NOX4: variants seen among roughly 807,000 people sequenced by gnomAD.
NOX4 encodes NADPH oxidase 4, also known as kidney oxidase-1.
A neutral mutation model predicts 87.6 loss-of-function variants in NOX4; 69 were observed. That is an observed-to-expected ratio of 0.79 (90% CI 0.65 to 0.96). The LOEUF (loss-of-function observed/expected upper bound fraction) is 0.96, where lower values mean the gene tolerates loss of function less well. NOX4 is among the 40% of genes least tolerant of loss of function. The pLI is 0.00. For missense variants in NOX4, 680 were observed against 681.5 expected (o/e 1.00, Z 0.02); for synonymous variants, 275 against 238.2 (o/e 1.15, Z -1.42).
chr11:89,426,655 G>A lies in NOX4; in HGVS notation c.549-4673C>T, dbSNP rs559751076. Among the ~76,000 whole-genome samples the A allele has an allele frequency of 2.6e-5, 4 of 152,282 alleles. No individual in the cohort carries two copies. In the South Asian group the frequency reaches 8.3e-4, roughly 32 times the overall value. ...ACAGCAGTCTGAGATCGAAATGCAA[G>A]GCAGCAGCAAGGCTTGGGGAGGGGC... On this transcript the variant is annotated intron_variant, in intron 7 of 17. Transcript: ENST00000263317.
At chr11:89,443,837 G>T (rs1944564011) in intron 5 of NOX4, 1 of 268,058 alleles carries the variant, frequency 3.7e-6, no homozygotes, top group East Asian at 7.4e-5. Context: ...ACTCTCAGCT[G>T]AATGATAGGA....
chr11:89,556,541 G>C, the NOX4 span, among the ~76,000 whole-genome samples: 1 of 148,908 alleles, frequency 6.7e-6, no homozygotes, highest in African/African-American at 2.5e-5. Flanking sequence ...GAGGGGAAGG[G>C]AGGGGAGGGG....
chr11:89,543,972 A>G, the NOX4 span, among the ~76,000 whole-genome samples: 2 of 151,994 alleles, frequency 1.3e-5, no homozygotes, highest in African/African-American at 4.8e-5. Flanking sequence ...GAAAAGGGGA[A>G]CCTGTTCCTT....
At chr11:89,372,500 C>G (rs1939519340) in intron 12 of NOX4, among the ~76,000 whole-genome samples, 1 of 151,932 alleles carries the variant, frequency 6.6e-6, no homozygotes, top group Non-Finnish European at 1.5e-5. Context: ...TTCATCCTTT[C>G]CAAAGAGAGT....
the NOX4 span, among the ~76,000 whole-genome samples, chr11:89,560,996 C>CTCTATA: frequency 4.7e-4 from 19 of 40,800 alleles, no homozygotes; most frequent in African/African-American, 6.6e-4. Flanking sequence ...CTCTCTCTCT[C>CTCTATA]TATATATATA....
intron 2 of NOX4, among the ~76,000 whole-genome samples, chr11:89,462,761 T>C (rs1945528306): frequency 6.6e-6 from 1 of 152,078 alleles, no homozygotes; most frequent in Non-Finnish European, 1.5e-5. Flanking sequence ...CATAATATAT[T>C]AATCTTTTGG....
intron 7 of NOX4, among the ~76,000 whole-genome samples, chr11:89,432,171 A>G (rs900744876): frequency 3.3e-5 from 5 of 152,054 alleles, no homozygotes; most frequent in African/African-American, 9.6e-5. Flanking sequence ...TGGACACAGG[A>G]AGGGGAACAT....
chr11:89,375,769 T>A (rs1204243107), intron 11 of NOX4, among the ~76,000 whole-genome samples: 2 of 152,182 alleles, frequency 1.3e-5, no homozygotes, highest in Non-Finnish European at 2.9e-5. Context: ...GAACGCAAGA[T>A]ACCCAACAGA....
In NOX4 at chr11:89,428,382, T is replaced by A. The variant is rs184492746; in HGVS notation, c.548+4402A>T. 3.3e-5 allele frequency among the ~76,000 whole-genome samples: 5 copies of A among 152,200 alleles called. No individual in the cohort carries two copies. The East Asian group carries it at 9.7e-4, about 29-fold the overall frequency. ...CACACATAACAATATTAACCTTAAATGTAAATAGACTAAATGTTCCAATTA... is the reference window on the plus strand; with the variant it reads ...CACACATAACAATATTAACCTTAAAAGTAAATAGACTAAATGTTCCAATTA... On this transcript the variant is annotated intron_variant, in intron 7 of 17. Coordinates refer to ENST00000263317, the MANE Select transcript of NOX4 (RefSeq NM_016931.5).
chr11:89,488,985 A>T, intron 2 of NOX4: 1 of 702,782 alleles, frequency 1.4e-6, no homozygotes, highest in Non-Finnish European at 2.6e-6. Context: ...ATAGGTTTCA[A>T]GACAGTTCCT....
chr11:89,399,496 C>T (rs1204767342), intron 11 of NOX4, among the ~76,000 whole-genome samples: 3 of 142,338 alleles, frequency 2.1e-5, no homozygotes, highest in African/African-American at 7.9e-5. Context: ...CAAGGTCTCA[C>T]TCTCTTGCTC....
upstream of NOX4, chr11:89,498,800 A>T (rs2135509809): frequency 6.6e-6 from 1 of 152,460 alleles, no homozygotes; most frequent in Non-Finnish European, 1.5e-5. Context: ...GATAACACAC[A>T]GGATTGTGCC....
chr11:89,364,927 A>G (rs1432984693), intron 12 of NOX4, among the ~76,000 whole-genome samples: 1 of 152,126 alleles, frequency 6.6e-6, no homozygotes, highest in Non-Finnish European at 1.5e-5. Context: ...GGCTAGAAAG[A>G]GGCAAAGATA....
At chr11:89,468,377 T>C (rs1284506587) in intron 2 of NOX4, among the ~76,000 whole-genome samples, 2 of 152,242 alleles carry the variant, frequency 1.3e-5, no homozygotes, top group Non-Finnish European at 2.9e-5. Flanking sequence ...GATATAATTT[T>C]AAGACTCCAT....
chr11:89,441,192 G>C (rs1016666525), intron 5 of NOX4, among the ~76,000 whole-genome samples: 2 of 152,154 alleles, frequency 1.3e-5, no homozygotes, highest in Non-Finnish European at 2.9e-5. Flanking sequence ...CTAATTGAGA[G>C]CTTTCTGTGT....
At chr11:89,578,199 G>A in the NOX4 span, among the ~76,000 whole-genome samples, 25 of 145,798 alleles carry the variant, frequency 1.7e-4, no homozygotes, top group East Asian at 4.9e-3. Flanking sequence ...GTCTCGCTCT[G>A]TTGCCAGGCT....
chr11:89,463,708 C>G (rs2135422538), intron 2 of NOX4, among the ~76,000 whole-genome samples: 1 of 146,386 alleles, frequency 6.8e-6, no homozygotes, highest in Admixed American at 6.7e-5. Flanking sequence ...ATTAATATGT[C>G]CAGTTAGGTT....
chr11:89,588,696 A>C, the NOX4 span, among the ~76,000 whole-genome samples: 1 of 152,268 alleles, frequency 6.6e-6, no homozygotes, highest in East Asian at 1.9e-4. Context: ...GGCTGATTTT[A>C]TTCTGTCTCT....
the NOX4 span, among the ~76,000 whole-genome samples, chr11:89,574,327 T>G: frequency 2.0e-5 from 3 of 152,198 alleles, no homozygotes; most frequent in Non-Finnish European, 4.4e-5. Context: ...CAATTTTCCA[T>G]GGACCCAGGA....
Sources: gnomAD v4.1 joint callset for allele counts (sites outside exome capture counted in the v4.1 genomes callset) on GRCh38, gnomAD v4.1.1 for gene constraint, MANE v1.5 for transcripts, NCBI Gene and HGNC (gene_info 2026-07-23, HGNC 2026-07-21) for gene names.